The following CCDC77 variants were observed in gnomAD, a reference collection of about 807,000 sequenced individuals.
CCDC77 encodes the protein coiled-coil domain-containing protein 77.
CCDC77 carries 56 observed loss-of-function variants against 66.8 expected under a neutral mutation model. The observed-to-expected ratio is 0.84, with a 90% CI of 0.68 to 1.05. CCDC77 has a LOEUF of 1.05. Among genes scored for constraint, CCDC77 ranks in the 50% least tolerant of loss-of-function variants. The pLI is 0.00. For synonymous variants in CCDC77, 196 were observed against 195.2 expected, an observed-to-expected ratio of 1.00 and a Z score of -0.03; for missense variants, 570 against 576.8, an observed-to-expected ratio of 0.99 and a Z score of 0.12.
chr12:440,833 C>T lies in CCDC77; in HGVS notation c.1168-11C>T. On this transcript the variant is annotated splice_polypyrimidine_tract_variant and intron_variant, in intron 11 of 12. Transcript: ENST00000239830. ...CACCTTCGTAAATGCCTTCCCATTC[C>T]CCATATTTAGGATCGCACTAACAAG... 12 of 1,613,214 alleles carry T rather than the reference C, an allele frequency of 7.4e-6. No individual in the cohort carries two copies. Among genetic ancestry groups the T allele is most frequent in the Non-Finnish European group, 1.0e-5 (12 of 1,179,932 alleles).
At chr12:433,480 C>T (rs902364239) in intron 9 of CCDC77, 158 bp downstream of exon 9, 20 of 1,409,986 alleles carry the variant, frequency 1.4e-5, no homozygotes, top group Non-Finnish European at 1.9e-5. Context: ...TAGGTGAGTA[C>T]CTCGCTTTTC....
chr12:426,818 C>T (rs1039127955), intron 5 of CCDC77, among the ~76,000 whole-genome samples: 1 of 152,150 alleles, frequency 6.6e-6, no homozygotes, highest in African/African-American at 2.4e-5. Flanking sequence ...CAGGTCTTTC[C>T]TCTTCCCCAG....
chr12:409,619 C>T (rs1945067609), intron 3 of CCDC77, 198 bp downstream of exon 3: 2 of 584,384 alleles, frequency 3.4e-6, no homozygotes, highest in Non-Finnish European at 6.1e-6. Flanking sequence ...TGCACTCAAG[C>T]AATCCTCCCA....
At chr12:409,266 G>T in intron 2 of CCDC77, 102 bp from the exon 3 acceptor site, 2 of 735,580 alleles carry the variant, frequency 2.7e-6, no homozygotes, top group Non-Finnish European at 2.3e-6. Context: ...TTCTTTCCAA[G>T]AAGCAAATAT....
chr12:408,123 G>C (rs547508328), intron 2 of CCDC77, among the ~76,000 whole-genome samples: 4 of 152,254 alleles, frequency 2.6e-5, no homozygotes, highest in Non-Finnish European at 5.9e-5. Flanking sequence ...ATACCAGGTA[G>C]AAGGACATAA....
chr12:429,385 A>G (rs887442100), intron 6 of CCDC77, among the ~76,000 whole-genome samples: 2 of 151,764 alleles, frequency 1.3e-5, no homozygotes, highest in Non-Finnish European at 1.5e-5. Context: ...TTTCACTTCT[A>G]TAAACAGTTC....
At chr12:413,801 G>A (rs781711740) in intron 4 of CCDC77, among the ~76,000 whole-genome samples, 4 of 150,064 alleles carry the variant, frequency 2.7e-5, no homozygotes, top group Non-Finnish European at 5.9e-5. Flanking sequence ...CTAATTTTTT[G>A]TATTTTAGTA....
chr12:399,881 G>A (rs888536906), upstream of CCDC77, among the ~76,000 whole-genome samples: 2 of 152,198 alleles, frequency 1.3e-5, no homozygotes, highest in African/African-American at 4.8e-5. Context: ...TAACATGAGA[G>A]TCAGTCTGTT....
intron 4 of CCDC77, among the ~76,000 whole-genome samples, chr12:415,411 T>TTAATATAATTAACATAATA (rs1565568173): frequency 2.9e-5 from 3 of 104,272 alleles, no homozygotes; most frequent in African/African-American, 1.2e-4. Context: ...ACATAATATG[T>TTAATATAATTAACATAATA]TGATATTATT....
chr12:438,195 T>G, intron 9 of CCDC77, 140 bp from the exon 10 acceptor site: 1 of 629,058 alleles, frequency 1.6e-6, no homozygotes, highest in South Asian at 2.1e-5. Flanking sequence ...GTGATCAGAT[T>G]TTTAAACCTG....
At chr12:427,825 C>G (rs529116628) in intron 5 of CCDC77, among the ~76,000 whole-genome samples, 3 of 152,210 alleles carry the variant, frequency 2.0e-5, no homozygotes, top group Non-Finnish European at 2.9e-5. Flanking sequence ...CCTAAGCTAT[C>G]TTAGGTTGAG....
chr12:390,736 A>AACACACACACAC (rs58938735), intron 1 of CCDC77, among the ~76,000 whole-genome samples: 2,242 of 149,428 alleles, frequency 0.015, 70 homozygotes, highest in South Asian at 0.12. Context: ...TATCTTTATA[A>AACACACACACAC]ACACACACAC....
chr12:411,761 C>T lies in CCDC77; in HGVS notation c.53C>T (p.Ser18Phe). The T allele has an allele frequency of 6.2e-7, 1 of 1,613,562 alleles. No homozygotes were observed. The highest frequency in any genetic ancestry group is 8.5e-7 in the Non-Finnish European group (1 of 1,179,738). The change falls in exon 4 of 13, where the codon TCC becomes TTC. Residue 18 changes from serine to phenylalanine, a missense_variant. Ser to Phe is a radical substitution (Grantham distance 155). Coordinates refer to ENST00000239830, the MANE Select transcript of CCDC77 (RefSeq NM_032358.4). ...ATTTCACGTAGGCGAACAGTTGTCT[C>T]CAAACGTGGTGTTGCCGTCAGTGGT... ...TPVCRKRTVV[S>F]KRGVAVSGPT... is the part of the protein sequence containing the mutation.
intron 9 of CCDC77, among the ~76,000 whole-genome samples, chr12:436,015 C>G (rs1565577356): frequency 1.3e-5 from 2 of 152,094 alleles, no homozygotes; most frequent in Non-Finnish European, 1.5e-5. Flanking sequence ...ACTGAGATTA[C>G]AGACATGAGC....
At chr12:434,800 T>C (rs1443117680) in intron 9 of CCDC77, among the ~76,000 whole-genome samples, 2 of 152,250 alleles carry the variant, frequency 1.3e-5, no homozygotes, top group African/African-American at 4.8e-5. Flanking sequence ...TTGGTTCTTC[T>C]ACCTATCTAA....
intron 1 of CCDC77, among the ~76,000 whole-genome samples, chr12:402,500 C>T (rs1020127003): frequency 1.3e-5 from 2 of 152,074 alleles, no homozygotes; most frequent in South Asian, 4.1e-4. Context: ...AGTTGTGTTC[C>T]AGCTAGAGGG....
At chr12:395,813 G>A (rs951703013) in intron 1 of CCDC77, among the ~76,000 whole-genome samples, 7 of 152,244 alleles carry the variant, frequency 4.6e-5, no homozygotes, top group Non-Finnish European at 8.8e-5. Context: ...AGAATCGCTT[G>A]AACTCAGAAG....
rs777601352 is a variant in CCDC77 at position 441,855 on chromosome 12, C to A, written c.1402C>A (p.Gln468Lys). 2.5e-6 allele frequency: 4 copies of A among 1,612,216 alleles called. No individual in the cohort carries two copies. Among genetic ancestry groups the A allele is most frequent in the Admixed American group, 3.4e-5 (2 of 59,640 alleles). ...RDSNRRAHKI[Q>K]GELKNLKSKV... ...CAGCAATAGACGGGCACATAAGATA[C>A]AAGGAGAACTGAAGAATCTTAAGTC... Residue 468 changes from glutamine (Q) to lysine (K), a missense_variant, in exon 13 of 13, where the codon CAA becomes AAA. Gln to Lys is a moderately conservative substitution (Grantham distance 53, BLOSUM62 1). Transcript: ENST00000239830.
chr12:394,706 ATGAAT>A (rs1250837776), intron 1 of CCDC77, among the ~76,000 whole-genome samples: 4 of 152,218 alleles, frequency 2.6e-5, no homozygotes, highest in African/African-American at 7.2e-5. Flanking sequence ...CGAGAGAGTG[ATGAAT>A]TGGAGAATGA....
Sources: allele counts gnomAD v4.1 joint callset (sites outside exome capture counted in the v4.1 genomes callset), GRCh38; gene constraint gnomAD v4.1.1; transcripts MANE v1.5; gene names NCBI Gene and HGNC (gene_info 2026-07-23, HGNC 2026-07-21).